The following ABCA13 variants were observed in gnomAD, a reference collection of about 807,000 sequenced individuals.
ABCA13 encodes ATP-binding cassette sub-family A member 13.
A neutral mutation model predicts 478.7 loss-of-function variants in ABCA13; 476 were observed. The observed-to-expected ratio is 0.99, with a 90% CI of 0.92 to 1.07. The LOEUF is 1.07. Ranked by LOEUF, ABCA13 falls within the 50% of genes least tolerant of loss-of-function variation. ABCA13 has a pLI of 0.00. For synonymous variants in ABCA13, 2,252 were observed against 2,158.9 expected, an observed-to-expected ratio of 1.04 and a Z score of -1.20; for missense variants, 6,060 against 5,910.6, an observed-to-expected ratio of 1.03 and a Z score of -0.83.
intron 43 of ABCA13, among the ~76,000 whole-genome samples, chr7:48,456,622 ACT>A (rs1464271371): frequency 4.6e-5 from 7 of 152,128 alleles, no homozygotes; most frequent in Non-Finnish European, 1.0e-4. Context: ...ACACTGTAAT[ACT>A]CTCTGTAACT....
intron 23 of ABCA13, among the ~76,000 whole-genome samples, chr7:48,307,448 T>C (rs1801073706): frequency 6.6e-6 from 1 of 152,040 alleles, no homozygotes; most frequent in African/African-American, 2.4e-5. Flanking sequence ...AAAAGATAAA[T>C]AAAATGGTAT....
At chr7:48,304,605 AG>A (rs34908616) in intron 23 of ABCA13, among the ~76,000 whole-genome samples, 115 of 152,002 alleles carry the variant, frequency 7.6e-4, no homozygotes, top group African/African-American at 2.0e-3. Context: ...GGACTACTAG[AG>A]GGGGACTACC....
At chr7:48,626,951 C>A in intron 59 of ABCA13, 1 of 985,272 alleles carries the variant, frequency 1.0e-6, no homozygotes, top group Non-Finnish European at 1.2e-6. Context: ...GTGATTATTG[C>A]GTATGGTTGA....
Position 48,573,428 on chromosome 7 carries a change from G to T in ABCA13, c.14355-6796G>T, listed in dbSNP as rs144328448. Among the ~76,000 whole-genome samples, 14 of 152,012 alleles carry T rather than the reference G, an allele frequency of 9.2e-5. No individual in the cohort carries two copies. The East Asian group carries it at 2.3e-3, about 25-fold the overall frequency. On this transcript the variant is annotated intron_variant, in intron 55 of 61. Coordinates refer to ENST00000435803, the MANE Select transcript of ABCA13 (RefSeq NM_152701.5). Reference sequence around the variant, plus strand: ...AATATACCACTGTCTGGGTGCAGTGGCTCATGCTTGTAATCCCAGTGCTCT... The same window carrying T: ...AATATACCACTGTCTGGGTGCAGTGTCTCATGCTTGTAATCCCAGTGCTCT...
chr7:48,369,301 A>G (rs887990191), intron 32 of ABCA13, among the ~76,000 whole-genome samples: 1 of 151,924 alleles, frequency 6.6e-6, no homozygotes, highest in Non-Finnish European at 1.5e-5. Flanking sequence ...CATTTGCTGG[A>G]TATATAGATT....
chr7:48,605,409 T>A lies in ABCA13; in HGVS notation c.14745-9876T>A, dbSNP rs950619334. On this transcript the variant is annotated intron_variant, in intron 58 of 61. Transcript: ENST00000435803. ...GTTCAGTGCTTCCTTCAGGAGCTCT[T>A]GTAAGGCAGCCCTGGTGGTGACAAA... is the stretch of plus-strand genomic sequence containing the variant. 2.0e-5 allele frequency among the ~76,000 whole-genome samples: 3 copies of A among 152,218 alleles called. No homozygotes were observed. The South Asian group carries it at 6.2e-4, about 32-fold the overall frequency.
At position 48,403,866 on chromosome 7, in the gene ABCA13, C is replaced by T. The variant is rs1563195872; in HGVS notation, c.12057C>T (p.Leu4019=). The change falls in exon 39 of 62, where the codon CTC becomes CTT. Residue 4019 remains leucine (L), a synonymous_variant. Transcript: ENST00000435803. ...CSRHSLWDIL[L]KYREGRTIIF... ...GGCATAGCCTGTGGGACATTCTGCTCAAGTACCGAGAAGGTAGGCACTGGG... is the reference window on the plus strand; with the variant it reads ...GGCATAGCCTGTGGGACATTCTGCTTAAGTACCGAGAAGGTAGGCACTGGG... The T allele has an allele frequency of 1.2e-6, 2 of 1,613,086 alleles. No individual in the cohort carries two copies. Among genetic ancestry groups the T allele is most frequent in the Non-Finnish European group, 1.7e-6 (2 of 1,179,474 alleles).
chr7:48,211,829 G>A (rs904129156), intron 3 of ABCA13, among the ~76,000 whole-genome samples: 1 of 151,868 alleles, frequency 6.6e-6, no homozygotes, highest in Non-Finnish European at 1.5e-5. Context: ...GGCTGAACTG[G>A]TATCCAGCTT....
At chr7:48,505,679 T>C (rs1181299754) in intron 48 of ABCA13, among the ~76,000 whole-genome samples, 2 of 152,192 alleles carry the variant, frequency 1.3e-5, no homozygotes, top group East Asian at 3.9e-4. Flanking sequence ...CGAACCAACT[T>C]TATTTATGGA....
intron 55 of ABCA13, among the ~76,000 whole-genome samples, chr7:48,563,821 T>TG (rs893642412): frequency 4.0e-5 from 6 of 151,418 alleles, no homozygotes; most frequent in Non-Finnish European, 8.8e-5. Context: ...TGTGTGTGTG[T>TG]GTGTGTGTGT....
intron 5 of ABCA13, among the ~76,000 whole-genome samples, chr7:48,225,177 C>CTTCCTTCA (rs1788027022): frequency 6.7e-6 from 1 of 148,394 alleles, no homozygotes; most frequent in African/African-American, 2.5e-5. Context: ...TCCTTCCTTC[C>CTTCCTTCA]TTCCTTCCTT....
intron 48 of ABCA13, among the ~76,000 whole-genome samples, chr7:48,501,410 C>CT (rs1216887717): frequency 6.6e-6 from 1 of 152,122 alleles, no homozygotes; most frequent in East Asian, 1.9e-4. Flanking sequence ...TGAGGATTCC[C>CT]TAGAGCGCCC....
At chr7:48,387,318 T>C (rs886924553) in intron 35 of ABCA13, among the ~76,000 whole-genome samples, 3 of 152,176 alleles carry the variant, frequency 2.0e-5, no homozygotes, top group Admixed American at 2.0e-4. Flanking sequence ...GAGAATACTT[T>C]TGAAGAATGG....
rs531163001 is a variant in ABCA13 at position 48,340,381 on chromosome 7, C to A, written c.10204+1926C>A. On this transcript the variant is annotated intron_variant, in intron 29 of 61. Transcript: ENST00000435803. ...TCGGCCTCCCAAAGTGCTGGGATTA[C>A]AGGCGTGAGCCACTGCGCCTGGCCT... 2.0e-5 allele frequency among the ~76,000 whole-genome samples: 3 copies of A among 152,306 alleles called. No homozygotes were observed. The East Asian group carries it at 5.8e-4, about 29-fold the overall frequency.
chr7:48,218,598 TAGA>T, intron 3 of ABCA13, among the ~76,000 whole-genome samples: 1 of 152,324 alleles, frequency 6.6e-6, no homozygotes, highest in African/African-American at 2.4e-5. Flanking sequence ...CCACCTGTAG[TAGA>T]AGGTCCTCTA....
intron 8 of ABCA13, 135 bp downstream of exon 8, chr7:48,234,286 C>T: frequency 2.5e-6 from 3 of 1,183,588 alleles, no homozygotes; most frequent in Non-Finnish European, 3.7e-6. Context: ...AACCCGAGCT[C>T]CTTACGCAGA....
chr7:48,373,900 C>T (rs1585058306), intron 33 of ABCA13, among the ~76,000 whole-genome samples: 1 of 152,162 alleles, frequency 6.6e-6, no homozygotes, highest in Non-Finnish European at 1.5e-5. Context: ...TAAGACTTCT[C>T]CACTGAGATA....
chr7:48,279,266 T>G lies in ABCA13; in HGVS notation c.8072T>G (p.Met2691Arg), dbSNP rs1796707885. Residue 2691 changes from methionine to arginine, a missense_variant, in exon 18 of 62, where the codon ATG becomes AGG. Coordinates refer to ENST00000435803, the MANE Select transcript of ABCA13 (RefSeq NM_152701.5). ...LVPINNITNQMDFLYPNPIST... is the reference protein window; with the variant it reads ...LVPINNITNQRDFLYPNPIST... Reference sequence around the variant, plus strand: ...CCTATAAATAACATCACCAACCAAATGGACTTCTTATACCCTAATCCAATT... The same window carrying G: ...CCTATAAATAACATCACCAACCAAAGGGACTTCTTATACCCTAATCCAATT... 6.3e-7 allele frequency: 1 copy of G among 1,588,516 alleles called. No homozygotes were observed. Among genetic ancestry groups the G allele is most frequent in the African/African-American group, 1.3e-5 (1 of 74,608 alleles).
intron 35 of ABCA13, among the ~76,000 whole-genome samples, chr7:48,381,763 G>A (rs1223274894): frequency 6.6e-6 from 1 of 152,218 alleles, no homozygotes; most frequent in East Asian, 1.9e-4. Context: ...TAAGCCAGCA[G>A]GCAGTTCCCC....
Sources: allele counts gnomAD v4.1 joint callset (sites outside exome capture counted in the v4.1 genomes callset), GRCh38; gene constraint gnomAD v4.1.1; transcripts MANE v1.5; gene names NCBI Gene and HGNC (gene_info 2026-07-23, HGNC 2026-07-21).